The following ADAM9 variants were observed in gnomAD, a reference collection of about 807,000 sequenced individuals.
ADAM9 encodes the protein disintegrin and metalloproteinase domain-containing protein 9.
A neutral mutation model predicts 108.1 loss-of-function variants in ADAM9; 54 were observed. The ratio of observed to expected loss-of-function variants is 0.50; its 90% confidence interval spans 0.40 to 0.63. ADAM9 has a LOEUF of 0.63. Ranked by LOEUF, ADAM9 falls within the 20% of genes least tolerant of loss-of-function variation. The probability of loss-of-function intolerance (pLI) is 0.00; values close to 1 mark genes in which losing one functional copy is unlikely to be tolerated. For missense variants in ADAM9, 830 were observed against 997.7 expected (o/e 0.83, Z 2.26); for synonymous variants, 316 against 336.0 (o/e 0.94, Z 0.65).
At chr8:39,087,220 T>A (rs1244616310) in intron 18 of ADAM9, among the ~76,000 whole-genome samples, 2 of 152,346 alleles carry the variant, frequency 1.3e-5, no homozygotes, top group African/African-American at 4.8e-5. Context: ...GCACTAACCT[T>A]GGACAATTCT....
At chr8:39,018,317 T>G (rs1193332193) in intron 6 of ADAM9, among the ~76,000 whole-genome samples, 1 of 152,218 alleles carries the variant, frequency 6.6e-6, no homozygotes, top group East Asian at 1.9e-4. Flanking sequence ...AACATTAAAA[T>G]TTTTGCTTAT....
intron 5 of ADAM9, 151 bp from the exon 6 acceptor site, chr8:39,017,068 C>T: frequency 1.2e-6 from 1 of 826,996 alleles, no homozygotes. Context: ...CGTCCCAGCC[C>T]TATCTGTCTG....
chr8:39,009,384 C>T (rs1836271042), intron 2 of ADAM9, among the ~76,000 whole-genome samples: 1 of 152,170 alleles, frequency 6.6e-6, no homozygotes, highest in Non-Finnish European at 1.5e-5. Flanking sequence ...GGACTACAGG[C>T]ATGTGCCACT....
intron 16 of ADAM9, among the ~76,000 whole-genome samples, chr8:39,081,009 A>G (rs6474528): frequency 0.8 from 116,924 of 146,774 alleles, 46,702 homozygotes; most frequent in East Asian, 0.94. Context: ...GGAGTGCAGT[A>G]GAGTGCAGAT....
intron 11 of ADAM9, among the ~76,000 whole-genome samples, chr8:39,033,342 G>T (rs1276346713): frequency 2.6e-5 from 4 of 151,896 alleles, no homozygotes; most frequent in African/African-American, 4.8e-5. Context: ...TTTCTACATA[G>T]ATGATCATAT....
At chr8:39,044,929 T>C (rs1000247532) in intron 12 of ADAM9, among the ~76,000 whole-genome samples, 26 of 150,548 alleles carry the variant, frequency 1.7e-4, no homozygotes, top group African/African-American at 6.2e-4. Context: ...TATATATGTG[T>C]GTGCACACAT....
At chr8:39,030,885 G>C (rs1837076343) in intron 11 of ADAM9, among the ~76,000 whole-genome samples, 1 of 152,092 alleles carries the variant, frequency 6.6e-6, no homozygotes, top group Non-Finnish European at 1.5e-5. Context: ...TGTCTTCTTT[G>C]TGGCATCTGT....
chr8:39,026,896 G>A, intron 11 of ADAM9, 86 bp downstream of exon 11: 1 of 1,534,818 alleles, frequency 6.5e-7, no homozygotes, highest in Non-Finnish European at 9.0e-7. Context: ...GTCTACATTG[G>A]GAAAACAGGA....
In ADAM9 at chr8:39,104,825, ATATGG is replaced by A. The variant is rs767932834; in HGVS notation, c.*1131_*1135del. On this transcript the variant is annotated 3_prime_UTR_variant, in exon 22 of 22. Transcript: ENST00000487273. ...TAAAAATGAATTTTTACTATGGCAGATATGGTATGGATCGTAAAATTTTAAGCACT... is the reference window on the plus strand; with the variant it reads ...TAAAAATGAATTTTTACTATGGCAGATATGGATCGTAAAATTTTAAGCACT... 8 of 453,712 alleles carry A rather than the reference ATATGG, an allele frequency of 1.8e-5. 1 individual carries two copies. The highest frequency in any genetic ancestry group is 1.2e-4 in the South Asian group (8 of 64,348). The allele number at this position is 453,712 out of a possible 1,614,324, so 28.1% of individuals were successfully genotyped here. A position where few individuals can be genotyped will look rare whatever the true frequency, so the allele number is the denominator to read the frequency against.
chr8:39,058,221 C>G (rs1255777974), intron 14 of ADAM9, among the ~76,000 whole-genome samples: 1 of 152,216 alleles, frequency 6.6e-6, no homozygotes, highest in Non-Finnish European at 1.5e-5. Context: ...CATATTTGCT[C>G]AGTACGTGTG....
chr8:39,041,885 T>G, intron 11 of ADAM9, 61 bp from the exon 12 acceptor site: 1 of 1,515,848 alleles, frequency 6.6e-7, no homozygotes. Context: ...AAGTCATGAC[T>G]TAACATTTTC....
At position 39,026,158 on chromosome 8, in the gene ADAM9, A is replaced by G. The variant is rs111513518; in HGVS notation, c.996+274A>G. ...ATGTCCAGGTTTGTTACATAGGTATACATGTGCCATGGTGGTTTGCTGCAC... is the reference window on the plus strand; with the variant it reads ...ATGTCCAGGTTTGTTACATAGGTATGCATGTGCCATGGTGGTTTGCTGCAC... On this transcript the variant is annotated intron_variant, in intron 10 of 21. Transcript: ENST00000487273. Among the ~76,000 whole-genome samples, 832 of 152,254 alleles carry G rather than the reference A, an allele frequency of 5.5e-3. 4 individuals carry two copies. Among genetic ancestry groups the G allele is most frequent in the Non-Finnish European group, 8.4e-3 (568 of 68,018 alleles).
At chr8:39,061,628 T>C (rs919438164) in intron 14 of ADAM9, among the ~76,000 whole-genome samples, 2 of 152,180 alleles carry the variant, frequency 1.3e-5, no homozygotes, top group African/African-American at 4.8e-5. Context: ...ATTTATTGGC[T>C]TCTGGAGGCT....
At chr8:39,006,173 A>G (rs1021947076) in intron 1 of ADAM9, among the ~76,000 whole-genome samples, 2 of 152,234 alleles carry the variant, frequency 1.3e-5, no homozygotes, top group African/African-American at 4.8e-5. Context: ...CTTAAAGGAA[A>G]GCACAACATT....
rs1398430365 is a variant in ADAM9, at chr8:39,002,337, G to A, written c.97+5177G>A. Among the ~76,000 whole-genome samples, 9 of 13,838 alleles carry A rather than the reference G, an allele frequency of 6.5e-4. No homozygotes were observed. In the South Asian group the frequency reaches 0.012, roughly 19 times the overall value. The allele number at this position is 13,838 out of a possible 152,430, so 9.1% of individuals were successfully genotyped here. On this transcript the variant is annotated intron_variant, in intron 1 of 21. Transcript: ENST00000487273. ...CTTTTTTTTTTTTTTTTTTTTTTTT[G>A]AGACAGAGTCTCACTCTGTTGCCCA...
chr8:39,003,810 A>T (rs1210522910), intron 1 of ADAM9, among the ~76,000 whole-genome samples: 1 of 152,244 alleles, frequency 6.6e-6, no homozygotes, highest in Non-Finnish European at 1.5e-5. Context: ...AAGTCTTTTA[A>T]AAATAAGTGA....
At chr8:39,072,491 C>CT (rs201581656) in intron 15 of ADAM9, among the ~76,000 whole-genome samples, 24 of 151,634 alleles carry the variant, frequency 1.6e-4, no homozygotes, top group Non-Finnish European at 1.0e-4. Context: ...GAAGAAACCT[C>CT]TTTTTTTTTG....
chr8:39,021,529 C>CTGA (rs1836738686), intron 7 of ADAM9, 114 bp from the exon 8 acceptor site: 6 of 892,690 alleles, frequency 6.7e-6, no homozygotes, highest in African/African-American at 1.7e-5. Context: ...GGTGATCTAC[C>CTGA]CGCCTGGGCC....
intron 4 of ADAM9, 145 bp downstream of exon 4, chr8:39,014,188 A>T: frequency 1.4e-6 from 1 of 704,330 alleles, no homozygotes; most frequent in Non-Finnish European, 2.5e-6. Flanking sequence ...ATCTTGGGAA[A>T]AGTGGGTGCA....
Sources: allele counts gnomAD v4.1 joint callset (sites outside exome capture counted in the v4.1 genomes callset), GRCh38; gene constraint gnomAD v4.1.1; transcripts MANE v1.5; gene names NCBI Gene and HGNC (gene_info 2026-07-23, HGNC 2026-07-21).